Variants in EPC2 observed in about 807,000 individuals in gnomAD.
EPC2 encodes enhancer of polycomb homolog 2.
EPC2 carries 14 observed loss-of-function variants against 92.1 expected under a neutral mutation model. The ratio of observed to expected loss-of-function variants is 0.15; its 90% confidence interval spans 0.10 to 0.24. The LOEUF (loss-of-function observed/expected upper bound fraction) is 0.24, where lower values mean the gene tolerates loss of function less well. Among genes scored for constraint, EPC2 ranks in the 10% least tolerant of loss-of-function variants. EPC2 has a pLI of 1.00. For synonymous variants in EPC2, 340 were observed against 334.7 expected (o/e 1.02, Z -0.17); for missense variants, 755 against 971.5 (o/e 0.78, Z 2.96).
chr2:148,776,221 A>C (rs989656636), intron 10 of EPC2, among the ~76,000 whole-genome samples: 5 of 152,210 alleles, frequency 3.3e-5, no homozygotes, highest in African/African-American at 1.2e-4. Flanking sequence ...GATTGATATA[A>C]TGTGATTTAA....
At chr2:148,651,507 A>C (rs1680684438) in intron 1 of EPC2, among the ~76,000 whole-genome samples, 1 of 152,220 alleles carries the variant, frequency 6.6e-6, no homozygotes, top group South Asian at 2.1e-4. Flanking sequence ...AGGTTGGAAA[A>C]AAGGTAGAAT....
intron 3 of EPC2, 30 bp downstream of exon 3, chr2:148,743,797 C>A (rs767606466): frequency 2.5e-5 from 36 of 1,468,016 alleles, no homozygotes; most frequent in Middle Eastern, 1.8e-4. Flanking sequence ...TGTCTCTTAT[C>A]TTCTAGTTAA....
At chr2:148,653,993 G>A (rs1680738731) in intron 1 of EPC2, among the ~76,000 whole-genome samples, 1 of 149,776 alleles carries the variant, frequency 6.7e-6, no homozygotes, top group Non-Finnish European at 1.5e-5. Context: ...TGTCACCCAG[G>A]CTGGAGTGCA....
At chr2:148,700,869 A>G (rs1681871307) in intron 2 of EPC2, among the ~76,000 whole-genome samples, 1 of 152,120 alleles carries the variant, frequency 6.6e-6, no homozygotes, top group African/African-American at 2.4e-5. Context: ...TCTGTATCAC[A>G]TTTGAGAAGA....
At chr2:148,781,533 A>G (rs1215464504) in intron 10 of EPC2, 111 bp from the exon 11 acceptor site, 13 of 1,024,260 alleles carry the variant, frequency 1.3e-5, no homozygotes, top group African/African-American at 4.9e-5. Flanking sequence ...CCATATTGTA[A>G]TTTGTAATTG....
intron 2 of EPC2, among the ~76,000 whole-genome samples, chr2:148,694,513 A>G (rs1243932944): frequency 2.0e-5 from 3 of 152,086 alleles, no homozygotes; most frequent in African/African-American, 7.2e-5. Flanking sequence ...AAAAAACACT[A>G]CCTACTTTCA....
chr2:148,752,175 C>T (rs774011869), intron 3 of EPC2, among the ~76,000 whole-genome samples: 20 of 152,116 alleles, frequency 1.3e-4, no homozygotes, highest in Non-Finnish European at 2.6e-4. Flanking sequence ...TTATCCTTCT[C>T]CCCATTCGGA....
chr2:148,776,287 G>A (rs1683644132), intron 10 of EPC2, among the ~76,000 whole-genome samples: 1 of 152,094 alleles, frequency 6.6e-6, no homozygotes, highest in African/African-American at 2.4e-5. Flanking sequence ...TCAGACCTAA[G>A]GGATTAAAGT....
At chr2:148,752,890 A>G (rs952137183) in intron 3 of EPC2, among the ~76,000 whole-genome samples, 30 of 152,312 alleles carry the variant, frequency 2.0e-4, no homozygotes, top group African/African-American at 7.2e-4. Flanking sequence ...TATAATTTCA[A>G]TGAGAAAAAT....
intron 2 of EPC2, among the ~76,000 whole-genome samples, chr2:148,740,070 T>C (rs1237412198): frequency 6.6e-6 from 1 of 151,870 alleles, no homozygotes; most frequent in Non-Finnish European, 1.5e-5. Context: ...ACCCACTATT[T>C]GTAAGAGTGG....
rs2105426002 is a variant in EPC2 at position 148,765,124 on chromosome 2, C to T, written c.1118C>T (p.Ser373Leu). 1 of 1,568,398 alleles carries T rather than the reference C, an allele frequency of 6.4e-7. No homozygotes were observed. Among genetic ancestry groups the T allele is most frequent in the African/African-American group, 1.4e-5 (1 of 73,368 alleles). The change falls in exon 7 of 14, where the codon TCA becomes TTA. Residue 373 changes from serine (S) to leucine (L), a missense_variant. Coordinates refer to ENST00000258484, the MANE Select transcript of EPC2 (RefSeq NM_015630.4). ...ATTAAGCAATATGATTTTCACAGCT[C>T]AGATGAAGATGAATTTCCACAGGTG... ...SDIKQYDFHS[S>L]DEDEFPQVLS...
At chr2:148,687,053 T>A (rs1681542268) in intron 1 of EPC2, among the ~76,000 whole-genome samples, 2 of 152,182 alleles carry the variant, frequency 1.3e-5, no homozygotes, top group African/African-American at 2.4e-5. Context: ...ACATTGAAAA[T>A]CTATTATTCA....
At chr2:148,766,391 T>C (rs1683408149) in intron 7 of EPC2, among the ~76,000 whole-genome samples, 5 of 152,228 alleles carry the variant, frequency 3.3e-5, no homozygotes, top group Admixed American at 6.5e-5. Context: ...CAGATAATAT[T>C]CTGATAGTCA....
chr2:148,744,129 C>A (rs546062365), intron 3 of EPC2, among the ~76,000 whole-genome samples: 6 of 152,192 alleles, frequency 3.9e-5, no homozygotes, highest in African/African-American at 1.4e-4. Flanking sequence ...AGGTACTCAT[C>A]ATTTTAAATG....
chr2:148,650,735 T>G (rs1296959614), intron 1 of EPC2, among the ~76,000 whole-genome samples: 1 of 151,536 alleles, frequency 6.6e-6, no homozygotes, highest in African/African-American at 2.4e-5. Flanking sequence ...ATTTCATGTT[T>G]CATAATGGAG....
chr2:148,675,017 T>C (rs1052211880), intron 1 of EPC2, among the ~76,000 whole-genome samples: 1 of 152,256 alleles, frequency 6.6e-6, no homozygotes, highest in Non-Finnish European at 1.5e-5. Flanking sequence ...GAACTCTACA[T>C]GACTGTCATT....
chr2:148,687,988 A>G (rs1681563995), intron 1 of EPC2, among the ~76,000 whole-genome samples: 1 of 152,172 alleles, frequency 6.6e-6, no homozygotes, highest in African/African-American at 2.4e-5. Flanking sequence ...AATTTTATTT[A>G]TGTCTTGCTG....
chr2:148,759,642 T>C (rs1006298473), intron 4 of EPC2, among the ~76,000 whole-genome samples: 1 of 152,096 alleles, frequency 6.6e-6, no homozygotes, highest in Non-Finnish European at 1.5e-5. Context: ...TAAAGGGGCA[T>C]TTTATATCTT....
intron 4 of EPC2, among the ~76,000 whole-genome samples, chr2:148,758,261 A>T (rs1158074809): frequency 1.3e-5 from 2 of 152,198 alleles, no homozygotes; most frequent in Admixed American, 1.3e-4. Context: ...TAGAATTATC[A>T]CTATTTGGCA....
Sources: allele counts gnomAD v4.1 joint callset (sites outside exome capture counted in the v4.1 genomes callset), GRCh38; gene constraint gnomAD v4.1.1; transcripts MANE v1.5; gene names NCBI Gene and HGNC (gene_info 2026-07-23, HGNC 2026-07-21).